TMEM132D: variants seen among roughly 807,000 people sequenced by gnomAD.
TMEM132D encodes mature OL transmembrane protein.
Under a neutral mutation model 62.3 loss-of-function variants are expected in TMEM132D, and 21 were observed. The ratio of observed to expected loss-of-function variants is 0.34; its 90% CI spans 0.24 to 0.49. TMEM132D has a LOEUF of 0.49. Ranked by LOEUF, TMEM132D falls within the 20% of genes least tolerant of loss-of-function variation. TMEM132D has a pLI of 0.99. For synonymous variants in TMEM132D, 621 were observed against 575.6 expected, an observed-to-expected ratio of 1.08 and a Z score of -1.13; for missense variants, 1,346 against 1,402.8, an observed-to-expected ratio of 0.96 and a Z score of 0.65.
intron 6 of TMEM132D, among the ~76,000 whole-genome samples, chr12:129,082,714 CTGTT>C (rs1307768773): frequency 5.9e-5 from 9 of 152,186 alleles, no homozygotes; most frequent in Non-Finnish European, 1.3e-4. Flanking sequence ...TCCACAGAAA[CTGTT>C]TGATAATACG....
At chr12:129,765,475 A>G (rs542115673) in intron 1 of TMEM132D, among the ~76,000 whole-genome samples, 6 of 151,894 alleles carry the variant, frequency 4.0e-5, no homozygotes, top group Non-Finnish European at 8.8e-5. Flanking sequence ...CTGAGGCAGG[A>G]GAATCGCTTG....
intron 2 of TMEM132D, among the ~76,000 whole-genome samples, chr12:129,539,270 C>T (rs1282590362): frequency 6.7e-6 from 1 of 149,270 alleles, no homozygotes; most frequent in Non-Finnish European, 1.5e-5. Flanking sequence ...CTTACTCTGT[C>T]ACCCAGGCTG....
intron 4 of TMEM132D, among the ~76,000 whole-genome samples, chr12:129,279,278 C>G (rs939654921): frequency 1.3e-5 from 2 of 152,098 alleles, no homozygotes; most frequent in African/African-American, 4.8e-5. Flanking sequence ...ACAGTCAGTG[C>G]CTAAATTCAG....
intron 3 of TMEM132D, among the ~76,000 whole-genome samples, chr12:129,433,057 C>T (rs1872703840): frequency 6.6e-6 from 1 of 152,162 alleles, no homozygotes; most frequent in Admixed American, 6.5e-5. Flanking sequence ...CCTTTGTACT[C>T]AACATGATGT....
chr12:129,295,946 C>G (rs1881562576), intron 4 of TMEM132D, among the ~76,000 whole-genome samples: 1 of 151,604 alleles, frequency 6.6e-6, no homozygotes, highest in African/African-American at 2.4e-5. Flanking sequence ...TTGGTTAATC[C>G]ACAAATGTGG....
chr12:129,410,349 TTTTGTTTG>T (rs59366781), intron 3 of TMEM132D, among the ~76,000 whole-genome samples: 8 of 150,386 alleles, frequency 5.3e-5, no homozygotes, highest in Non-Finnish European at 1.0e-4. Context: ...GAAAAAAAGG[TTTTGTTTG>T]TTTGTTTGTT....
chr12:129,612,718 T>C (rs950326433), intron 2 of TMEM132D, among the ~76,000 whole-genome samples: 1 of 121,682 alleles, frequency 8.2e-6, no homozygotes, highest in Non-Finnish European at 2.0e-5. Flanking sequence ...ATGTTGTTAA[T>C]TTGGCCCCAG....
intron 5 of TMEM132D, among the ~76,000 whole-genome samples, chr12:129,106,355 A>C (rs1228364716): frequency 6.6e-6 from 1 of 151,872 alleles, no homozygotes; most frequent in African/African-American, 2.4e-5. Context: ...AGCATGGCAC[A>C]TGTATACATA....
chr12:129,220,725 C>T (rs763666085), intron 4 of TMEM132D, among the ~76,000 whole-genome samples: 1 of 152,108 alleles, frequency 6.6e-6, no homozygotes, highest in Non-Finnish European at 1.5e-5. Context: ...TTCTTTTGTC[C>T]ACCACAGACT....
At chr12:129,658,495 C>CGT (rs1880152997) in intron 2 of TMEM132D, among the ~76,000 whole-genome samples, 1 of 152,114 alleles carries the variant, frequency 6.6e-6, no homozygotes, top group African/African-American at 2.4e-5. Context: ...GATTAGCAAA[C>CGT]ACCAAATGGT....
chr12:129,158,069 T>C (rs996135094), intron 5 of TMEM132D, among the ~76,000 whole-genome samples: 4 of 152,162 alleles, frequency 2.6e-5, no homozygotes, highest in Non-Finnish European at 4.4e-5. Context: ...AGAGAAAGAT[T>C]ACCATATGGA....
intron 3 of TMEM132D, among the ~76,000 whole-genome samples, chr12:129,397,350 T>C (rs888079063): frequency 2.0e-5 from 3 of 152,202 alleles, no homozygotes; most frequent in African/African-American, 7.2e-5. Flanking sequence ...GTCACTTGGG[T>C]TCAGAAATTA....
In TMEM132D at chr12:129,787,922, C is replaced by A. The variant is rs1374606029; in HGVS notation, c.80-87224G>T. Among the ~76,000 whole-genome samples, 4 of 152,310 alleles carry A rather than the reference C, an allele frequency of 2.6e-5. No homozygotes were observed. The East Asian group carries it at 7.7e-4, about 29-fold the overall frequency. On this transcript the variant is annotated intron_variant, in intron 1 of 8. Coordinates refer to ENST00000422113, the MANE Select transcript of TMEM132D (RefSeq NM_133448.3). The stretch of plus-strand genomic sequence containing the variant: ...GCCCGTTGAAGGCCCAGCCAAAAAA[C>A]CTTCAGATGAGAGGGCAGGCTGGAC...
At chr12:129,108,519 GA>G (rs1238615229) in intron 5 of TMEM132D, among the ~76,000 whole-genome samples, 3 of 152,170 alleles carry the variant, frequency 2.0e-5, no homozygotes, top group Non-Finnish European at 4.4e-5. Flanking sequence ...TGTTCAGCAG[GA>G]GGGAGATGAC....
rs954747320 is a variant in TMEM132D, at chr12:129,509,636, C to T, written c.1115+21423G>A. Among the ~76,000 whole-genome samples the T allele has an allele frequency of 2.6e-5, 4 of 152,204 alleles. No individual in the cohort carries two copies. The East Asian group carries it at 5.8e-4, about 22-fold the overall frequency. ...CCCCTTCTGCCCCCAACTACCTTTC[C>T]CAGCCTCTGGTAACCATCCTTATAC... On this transcript the variant is annotated intron_variant, in intron 3 of 8. Transcript: ENST00000422113.
At chr12:129,854,195 G>A (rs1873639479) in intron 1 of TMEM132D, among the ~76,000 whole-genome samples, 1 of 152,136 alleles carries the variant, frequency 6.6e-6, no homozygotes, top group Admixed American at 6.5e-5. Context: ...AGTGGTCCCT[G>A]GGGACACAAA....
In TMEM132D at chr12:129,088,554, G is replaced by A. The variant is rs1487993829; in HGVS notation, c.1444-3852C>T. ...CTATGACCGGGTGTCCTCCCTGACC[G>A]GGTGTCCTCCCTGACCGGGTGTCCT... On this transcript the variant is annotated intron_variant, in intron 5 of 8. Coordinates refer to ENST00000422113, the MANE Select transcript of TMEM132D (RefSeq NM_133448.3). 4.6e-3 allele frequency among the ~76,000 whole-genome samples: 141 copies of A among 30,544 alleles called. 37 individuals carry two copies. Among genetic ancestry groups the A allele is most frequent in the Non-Finnish European group, 6.2e-3 (114 of 18,482 alleles). The allele number at this position is 30,544 out of a possible 152,430, so 20.0% of individuals were successfully genotyped here.
chr12:129,500,207 C>T (rs980768719), intron 3 of TMEM132D, among the ~76,000 whole-genome samples: 1 of 144,950 alleles, frequency 6.9e-6, no homozygotes, highest in African/African-American at 2.6e-5. Context: ...TTACCTCCAA[C>T]TACATACCCT....
At chr12:129,184,815 G>C (rs1878178363) in intron 5 of TMEM132D, among the ~76,000 whole-genome samples, 1 of 147,990 alleles carries the variant, frequency 6.8e-6, no homozygotes. Context: ...TGTTTCATCA[G>C]AAATGTGATA....
Sources: gnomAD v4.1 joint callset for allele counts (sites outside exome capture counted in the v4.1 genomes callset) on GRCh38, gnomAD v4.1.1 for gene constraint, MANE v1.5 for transcripts, NCBI Gene and HGNC (gene_info 2026-07-23, HGNC 2026-07-21) for gene names.